The following ELK3 variants were observed in gnomAD, a reference collection of about 807,000 sequenced individuals.
ELK3 encodes ETS domain-containing protein Elk-3.
ELK3 carries 10 observed loss-of-function variants against 28.9 expected under a neutral mutation model. The observed-to-expected ratio is 0.35, with a 90% CI of 0.21 to 0.59. The LOEUF is 0.59. Ranked by LOEUF, ELK3 falls within the 20% of genes least tolerant of loss-of-function variation. ELK3 has a pLI of 0.82. For synonymous variants in ELK3, 272 were observed against 243.5 expected (o/e 1.12, Z -1.09); for missense variants, 463 against 517.3 (o/e 0.90, Z 1.02).
At chr12:96,219,306 T>C (rs545706826) in intron 1 of ELK3, among the ~76,000 whole-genome samples, 1 of 147,076 alleles carries the variant, frequency 6.8e-6, no homozygotes, top group East Asian at 2.0e-4. Flanking sequence ...GAAAAAAAAA[T>C]CGTTTAAATT....
At chr12:96,217,112 G>A (rs147900912) in intron 1 of ELK3, among the ~76,000 whole-genome samples, 1 of 152,330 alleles carries the variant, frequency 6.6e-6, no homozygotes, top group East Asian at 1.9e-4. Context: ...TGAGCAGGGC[G>A]TGGTGGCACA....
At chr12:96,235,107 C>T (rs116263104) in intron 2 of ELK3, among the ~76,000 whole-genome samples, 2,245 of 152,148 alleles carry the variant, frequency 0.015, 61 homozygotes, top group African/African-American at 0.052. Flanking sequence ...CACTCCTCTG[C>T]GTGTGCGCCT....
chr12:96,215,083 T>A (rs910199578), intron 1 of ELK3, among the ~76,000 whole-genome samples: 5 of 151,748 alleles, frequency 3.3e-5, no homozygotes, highest in African/African-American at 4.8e-5. Context: ...GAAGTTTTTC[T>A]CCTTTTCTTG....
At chr12:96,210,613 C>A (rs888092197) in intron 1 of ELK3, among the ~76,000 whole-genome samples, 2 of 148,054 alleles carry the variant, frequency 1.4e-5, no homozygotes, top group South Asian at 4.3e-4. Flanking sequence ...AGTGGGAGGT[C>A]CAGGGGCACC....
At chr12:96,208,515 G>C (rs1951553942) in intron 1 of ELK3, among the ~76,000 whole-genome samples, 1 of 152,258 alleles carries the variant, frequency 6.6e-6, no homozygotes, top group African/African-American at 2.4e-5. Context: ...CTGTGAAGGA[G>C]CTGGAAGGGA....
intron 1 of ELK3, among the ~76,000 whole-genome samples, chr12:96,218,047 A>G (rs1031374787): frequency 2.0e-5 from 3 of 152,078 alleles, no homozygotes; most frequent in Non-Finnish European, 4.4e-5. Context: ...AAGCTGCTCT[A>G]AATCATCTAA....
chr12:96,215,376 G>C (rs1485034968), intron 1 of ELK3, among the ~76,000 whole-genome samples: 2 of 152,268 alleles, frequency 1.3e-5, no homozygotes, highest in South Asian at 2.1e-4. Flanking sequence ...CCTTGTGGCC[G>C]ACAGGAAGGA....
chr12:96,197,234 T>A (rs1176105488), intron 1 of ELK3, among the ~76,000 whole-genome samples: 4 of 151,976 alleles, frequency 2.6e-5, no homozygotes, highest in Admixed American at 2.6e-4. Flanking sequence ...CAACTAGGAG[T>A]AATTTTACCT....
At chr12:96,220,013 C>T (rs567663438) in intron 1 of ELK3, among the ~76,000 whole-genome samples, 1 of 152,174 alleles carries the variant, frequency 6.6e-6, no homozygotes, top group South Asian at 2.1e-4. Context: ...GCATAGCAAC[C>T]CCTCTGAGTA....
At chr12:96,265,204 TA>T (rs1362169320) in intron 4 of ELK3, among the ~76,000 whole-genome samples, 1 of 152,102 alleles carries the variant, frequency 6.6e-6, no homozygotes, top group Non-Finnish European at 1.5e-5. Flanking sequence ...AAGAGCCTAA[TA>T]AAGATGACTA....
rs568303138 is a variant in ELK3 at position 96,211,071 on chromosome 12, G to A, written c.-2-12494G>A. 8.2e-4 allele frequency among the ~76,000 whole-genome samples: 124 copies of A among 152,102 alleles called. 1 individual carries two copies. The highest frequency in any genetic ancestry group is 1.4e-3 in the Non-Finnish European group (94 of 68,028). ...CCATGAGTGTCTTATTTCACCTTTC[G>A]AAGTCATAGTTCCTCGTGGGCACAG... On this transcript the variant is annotated intron_variant, in intron 1 of 4. Transcript: ENST00000228741.
intron 2 of ELK3, chr12:96,224,000 G>T (rs1951681744): frequency 5.6e-6 from 3 of 533,690 alleles, no homozygotes; most frequent in Middle Eastern, 5.1e-4. Context: ...CTGCATTTTC[G>T]TCTGAGTTTG....
intron 2 of ELK3, among the ~76,000 whole-genome samples, chr12:96,224,360 T>C (rs949156453): frequency 5.9e-5 from 9 of 151,876 alleles, no homozygotes; most frequent in Admixed American, 3.9e-4. Flanking sequence ...AGGATTGTGA[T>C]GACCAACCGA....
At chr12:96,239,563 G>T (rs1391995537) in intron 2 of ELK3, among the ~76,000 whole-genome samples, 2 of 152,204 alleles carry the variant, frequency 1.3e-5, no homozygotes, top group Admixed American at 6.5e-5. Context: ...CCTCATAAAT[G>T]CTGGCTTCTT....
chr12:96,244,504 A>G (rs1320180736), intron 2 of ELK3, among the ~76,000 whole-genome samples: 1 of 151,784 alleles, frequency 6.6e-6, no homozygotes, highest in Non-Finnish European at 1.5e-5. Flanking sequence ...TGTTAGAATA[A>G]ATGATTCAGA....
chr12:96,240,757 G>A (rs1220852578), intron 2 of ELK3, among the ~76,000 whole-genome samples: 1 of 152,206 alleles, frequency 6.6e-6, no homozygotes, highest in Non-Finnish European at 1.5e-5. Context: ...TGTTTCCAGG[G>A]TGCCCTGAAA....
intron 1 of ELK3, among the ~76,000 whole-genome samples, chr12:96,218,395 C>G (rs1353139800): frequency 6.6e-6 from 1 of 152,044 alleles, no homozygotes; most frequent in African/African-American, 2.4e-5. Flanking sequence ...CATTAAAATA[C>G]CTGATAAAAT....
chr12:96,247,687 C>G lies in ELK3; in HGVS notation c.955C>G (p.Pro319Ala), dbSNP rs1257004946. The G allele has an allele frequency of 6.2e-7, 1 of 1,609,614 alleles. No individual in the cohort carries two copies. Among genetic ancestry groups the G allele is most frequent in the Non-Finnish European group, 8.5e-7 (1 of 1,178,512 alleles). ...CATCGGCTCCATCGCCCTCAACAGC[C>G]CAGCCCTCCCCTCGGGATCCCTCAC... The part of the protein sequence containing the change: ...TDIGSIALNS[P>A]ALPSGSLTPA... Residue 319 changes from proline to alanine, a missense_variant, in exon 3 of 5, where the codon CCA (proline) becomes GCA (alanine). Transcript: ENST00000228741. This position sits in a 1 kb window ranked among gnomAD's most constrained non-coding sequence, Gnocchi z 5.5.
At chr12:96,224,466 C>T (rs1951686191) in intron 2 of ELK3, among the ~76,000 whole-genome samples, 1 of 152,142 alleles carries the variant, frequency 6.6e-6, no homozygotes, top group Non-Finnish European at 1.5e-5. Context: ...CATATAAGTA[C>T]TTAGAACACT....
Sources: allele counts gnomAD v4.1 joint callset (sites outside exome capture counted in the v4.1 genomes callset), GRCh38; gene constraint gnomAD v4.1.1; non-coding constraint Gnocchi (gnomAD v3.1); transcripts MANE v1.5; gene names NCBI Gene and HGNC (gene_info 2026-07-23, HGNC 2026-07-21).